The following SERGEF variants were observed in gnomAD, a reference collection of about 807,000 sequenced individuals.
The protein encoded by SERGEF is secretion-regulating guanine nucleotide exchange factor.
Under a neutral mutation model 50.0 loss-of-function variants are expected in SERGEF, and 51 were observed. The observed-to-expected ratio is 1.02, with a 90% CI of 0.81 to 1.29. The LOEUF is 1.29. SERGEF is among the 50% of genes most tolerant of loss of function. The pLI, the probability that SERGEF is intolerant of heterozygous loss-of-function variation, is 0.00. For missense variants in SERGEF, 521 were observed against 557.0 expected, an observed-to-expected ratio of 0.94 and a Z score of 0.65; for synonymous variants, 205 against 212.4, an observed-to-expected ratio of 0.97 and a Z score of 0.30.
intron 10 of SERGEF, among the ~76,000 whole-genome samples, chr11:17,792,051 C>T (rs900461466): frequency 6.6e-5 from 10 of 152,148 alleles, no homozygotes; most frequent in South Asian, 2.1e-4. Flanking sequence ...ATTTTTAAAT[C>T]TTCTTTACAT....
intron 1 of SERGEF, chr11:18,010,346 C>G: frequency 4.4e-6 from 1 of 225,012 alleles, no homozygotes; most frequent in South Asian, 6.6e-5. Flanking sequence ...CTGAGTGCTT[C>G]TCTCCATACT....
chr11:18,004,956 C>T (rs1441539779), intron 3 of SERGEF, among the ~76,000 whole-genome samples: 2 of 152,186 alleles, frequency 1.3e-5, no homozygotes, highest in South Asian at 2.1e-4. Flanking sequence ...TGGGACAGGA[C>T]ATGTGTGGCT....
At chr11:17,891,104 C>T (rs557984544) in intron 9 of SERGEF, among the ~76,000 whole-genome samples, 7 of 152,074 alleles carry the variant, frequency 4.6e-5, no homozygotes, top group Non-Finnish European at 8.8e-5. Context: ...TGAAGGTTTG[C>T]TTACTAAACA....
chr11:17,983,549 T>C (rs1853532911), intron 8 of SERGEF, among the ~76,000 whole-genome samples: 1 of 152,186 alleles, frequency 6.6e-6, no homozygotes, highest in Admixed American at 6.5e-5. Flanking sequence ...AGGTCAGCAG[T>C]TATTTCCCCA....
chr11:17,874,704 T>C (rs772751102), intron 10 of SERGEF, among the ~76,000 whole-genome samples: 38 of 152,318 alleles, frequency 2.5e-4, no homozygotes, highest in Admixed American at 6.5e-4. Context: ...AGCAGAATCC[T>C]GTCCTTGAAC....
intron 9 of SERGEF, among the ~76,000 whole-genome samples, chr11:17,940,689 T>A (rs1013288007): frequency 2.6e-5 from 4 of 152,106 alleles, no homozygotes; most frequent in African/African-American, 4.8e-5. Context: ...TCCTCCTGCC[T>A]CAGCTTCCCG....
chr11:17,978,840 C>G (rs965158634), intron 8 of SERGEF, among the ~76,000 whole-genome samples: 3 of 152,272 alleles, frequency 2.0e-5, no homozygotes, highest in African/African-American at 7.2e-5. Flanking sequence ...CTCTACCAGC[C>G]TCATCCCAAG....
intron 10 of SERGEF, among the ~76,000 whole-genome samples, chr11:17,806,797 C>A (rs1849765739): frequency 6.6e-6 from 1 of 152,136 alleles, no homozygotes; most frequent in South Asian, 2.1e-4. Flanking sequence ...TTTTGCCAGA[C>A]AGGGCTCAAA....
chr11:17,877,481 T>G (rs1229355020), intron 10 of SERGEF, among the ~76,000 whole-genome samples: 1 of 152,228 alleles, frequency 6.6e-6, no homozygotes, highest in Non-Finnish European at 1.5e-5. Flanking sequence ...TAGGCACTAT[T>G]GCCCTCCCCA....
chr11:18,002,672 G>C (rs1170819068), intron 4 of SERGEF, among the ~76,000 whole-genome samples: 1 of 152,174 alleles, frequency 6.6e-6, no homozygotes, highest in African/African-American at 2.4e-5. Context: ...ACATGCATCT[G>C]TCATAGTTCT....
intron 10 of SERGEF, among the ~76,000 whole-genome samples, chr11:17,869,057 G>A (rs1466552497): frequency 6.6e-6 from 1 of 152,122 alleles, no homozygotes; most frequent in African/African-American, 2.4e-5. Flanking sequence ...CCAAAGTGCT[G>A]GGATTACAGG....
chr11:17,967,313 G>A (rs211095), intron 8 of SERGEF, among the ~76,000 whole-genome samples: 1 of 151,896 alleles, frequency 6.6e-6, no homozygotes, highest in Non-Finnish European at 1.5e-5. Flanking sequence ...CACTTTTCAC[G>A]TGGTCACACT....
At chr11:17,844,964 T>C (rs1046519853) in intron 10 of SERGEF, among the ~76,000 whole-genome samples, 1 of 150,934 alleles carries the variant, frequency 6.6e-6, no homozygotes, top group African/African-American at 2.4e-5. Context: ...TTTAAGAAAG[T>C]TTACAAATTT....
intron 10 of SERGEF, among the ~76,000 whole-genome samples, chr11:17,815,038 T>A (rs1849942663): frequency 6.6e-6 from 1 of 151,952 alleles, no homozygotes; most frequent in Non-Finnish European, 1.5e-5. Flanking sequence ...AATTAAAAAA[T>A]TAGCCAGGTG....
intron 9 of SERGEF, among the ~76,000 whole-genome samples, chr11:17,897,683 A>C (rs1376695124): frequency 6.6e-6 from 1 of 152,202 alleles, no homozygotes; most frequent in Non-Finnish European, 1.5e-5. Flanking sequence ...GGAAAGTCAA[A>C]TCTAATTTAT....
chr11:17,842,522 G>A (rs1444083275), intron 10 of SERGEF, among the ~76,000 whole-genome samples: 1 of 152,176 alleles, frequency 6.6e-6, no homozygotes, highest in Non-Finnish European at 1.5e-5. Context: ...GTACTATGAG[G>A]TATACATTAC....
chr11:17,998,870 A>G (rs1853901483), intron 5 of SERGEF, among the ~76,000 whole-genome samples: 1 of 151,428 alleles, frequency 6.6e-6, no homozygotes, highest in Non-Finnish European at 1.5e-5. Context: ...TCCTGACAAC[A>G]CAATAATCTT....
intron 7 of SERGEF, among the ~76,000 whole-genome samples, chr11:17,989,583 TA>T (rs372234419): frequency 1.1e-4 from 16 of 152,342 alleles, no homozygotes; most frequent in Middle Eastern, 3.4e-3. Flanking sequence ...AAATATTTTG[TA>T]AATGAAAGCC....
At chr11:17,835,781 T>C (rs1031074137) in intron 10 of SERGEF, among the ~76,000 whole-genome samples, 1 of 152,224 alleles carries the variant, frequency 6.6e-6, no homozygotes, top group Non-Finnish European at 1.5e-5. Flanking sequence ...ACTTAATACA[T>C]TTTCTTCACA....
Sources: gnomAD v4.1 joint callset for allele counts (sites outside exome capture counted in the v4.1 genomes callset) on GRCh38, gnomAD v4.1.1 for gene constraint, MANE v1.5 for transcripts, NCBI Gene and HGNC (gene_info 2026-07-23, HGNC 2026-07-21) for gene names.